Variants in MSL2 observed in about 807,000 individuals in gnomAD.
The protein encoded by MSL2 is E3 ubiquitin-protein ligase MSL2.
Under a neutral mutation model 35.8 loss-of-function variants are expected in MSL2, and 2 were observed. That is an observed-to-expected ratio of 0.06 (90% CI 0.02 to 0.18). MSL2 has a LOEUF of 0.18. Among genes scored for constraint, MSL2 ranks in the 10% least tolerant of loss-of-function variants. MSL2 has a pLI of 1.00. For synonymous variants in MSL2, 296 were observed against 255.7 expected (o/e 1.16, Z -1.50); for missense variants, 523 against 706.7 (o/e 0.74, Z 2.95).
chr3:136,166,469 AT>A (rs902944123), intron 1 of MSL2, among the ~76,000 whole-genome samples: 2 of 152,094 alleles, frequency 1.3e-5, no homozygotes, highest in Admixed American at 1.3e-4. Flanking sequence ...GTTAAGTAAT[AT>A]TTTTTTGAAT....
chr3:136,191,735 T>C (rs1940696377), intron 1 of MSL2, among the ~76,000 whole-genome samples: 1 of 152,196 alleles, frequency 6.6e-6, no homozygotes, highest in African/African-American at 2.4e-5. Context: ...ATCGCACCAC[T>C]GCACTCCAAC....
chr3:136,173,684 C>A (rs1421586088), intron 1 of MSL2, among the ~76,000 whole-genome samples: 2 of 152,182 alleles, frequency 1.3e-5, no homozygotes, highest in East Asian at 1.9e-4. Context: ...CTAATCAATT[C>A]ATCTTCCACA....
At chr3:136,162,899 G>C (rs1939748732) in intron 1 of MSL2, among the ~76,000 whole-genome samples, 1 of 150,900 alleles carries the variant, frequency 6.6e-6, no homozygotes, top group Admixed American at 6.6e-5. Context: ...CGGCAGTGTT[G>C]ATAATAATTA....
At position 136,195,462 on chromosome 3, in the gene MSL2, C is replaced by G; in HGVS notation, c.-349G>C. The G allele has an allele frequency of 9.7e-7, 1 of 1,034,562 alleles. No individual in the cohort carries two copies. Among genetic ancestry groups the G allele is most frequent in the South Asian group, 3.7e-5 (1 of 27,252 alleles). The allele number at this position is 1,034,562 out of a possible 1,614,324, so 64.1% of individuals were successfully genotyped here. ...GCCCCGCGGCTCGGCAGGCGGCCTG[C>G]ACTCGAGCTCCATCTCCGGACACGG... On this transcript the variant is annotated 5_prime_UTR_variant, in exon 1 of 2. Transcript: ENST00000309993.
chr3:136,151,869 A>G lies in MSL2; in HGVS notation c.1012T>C (p.Leu338=). ...TCTGATCTGGATCGTTTTCTATTCA[A>G]TTTTGCTATCTTCGGAGTTGCTGCT... is the stretch of plus-strand genomic sequence containing the variant. The part of the protein sequence containing the change: ...CTAATPKIAK[L]NRKRSRSESD... The change falls in exon 2 of 2, where the codon TTG becomes CTG. Residue 338 remains leucine (L), a synonymous_variant. Coordinates refer to ENST00000309993, the MANE Select transcript of MSL2 (RefSeq NM_018133.4). The surrounding 1 kb of genome is among the most constrained non-coding windows in gnomAD (Gnocchi z 5.2). 1.2e-6 allele frequency: 2 copies of G among 1,614,128 alleles called. No homozygotes were observed. Among genetic ancestry groups the G allele is most frequent in the Non-Finnish European group, 1.7e-6 (2 of 1,180,022 alleles).
At chr3:136,165,532 T>C (rs1939822593) in intron 1 of MSL2, among the ~76,000 whole-genome samples, 1 of 152,218 alleles carries the variant, frequency 6.6e-6, no homozygotes, top group Non-Finnish European at 1.5e-5. Flanking sequence ...ATATAACTGT[T>C]GATAATTAAT....
chr3:136,150,880 C>T lies in MSL2; in HGVS notation c.*267G>A. ...ATGAGGTTAATGTTATTTTTCTTGC[C>T]AAAGTTCATTTTGTATAAATCAGTT... On this transcript the variant is annotated 3_prime_UTR_variant, in exon 2 of 2. Transcript: ENST00000309993. The T allele has an allele frequency of 2.5e-6, 1 of 394,950 alleles. No individual in the cohort carries two copies. The highest frequency in any genetic ancestry group is 4.6e-6 in the Non-Finnish European group (1 of 217,432). The allele number at this position is 394,950 out of a possible 1,614,324, so 24.5% of individuals were successfully genotyped here.
chr3:136,149,334 A>G lies in MSL2; in HGVS notation c.*1813T>C, dbSNP rs1939270401. 2 of 152,598 alleles carry G rather than the reference A, an allele frequency of 1.3e-5. No homozygotes were observed. Among genetic ancestry groups the G allele is most frequent in the African/African-American group, 4.8e-5 (2 of 41,458 alleles). 9.5% of individuals were successfully genotyped at this position (152,598 alleles called of 1,614,324 possible). A position where few individuals can be genotyped will look rare whatever the true frequency, so the allele number is the denominator to read the frequency against. On this transcript the variant is annotated 3_prime_UTR_variant, in exon 2 of 2. Transcript: ENST00000309993. Reference sequence around the variant, plus strand: ...TAGCAGGGCATCTGGGTTCAACACAAAACTGTTACAAACGTTAGGTAAATA... The same window carrying G: ...TAGCAGGGCATCTGGGTTCAACACAGAACTGTTACAAACGTTAGGTAAATA...
chr3:136,159,891 C>A (rs1939651799), intron 1 of MSL2, among the ~76,000 whole-genome samples: 1 of 150,966 alleles, frequency 6.6e-6, no homozygotes, highest in Admixed American at 6.6e-5. Context: ...ATCAAATGCA[C>A]AATTCACAAA....
intron 1 of MSL2, among the ~76,000 whole-genome samples, chr3:136,193,843 T>C (rs147087104): frequency 1.3e-5 from 2 of 152,310 alleles, no homozygotes; most frequent in South Asian, 2.1e-4. Flanking sequence ...CTTAAATGTT[T>C]ATGACCTTAA....
intron 1 of MSL2, among the ~76,000 whole-genome samples, chr3:136,190,231 TTC>T (rs1940648558): frequency 6.6e-6 from 1 of 152,214 alleles, no homozygotes; most frequent in African/African-American, 2.4e-5. Context: ...ATGTGTCTTA[TTC>T]ATCTTTCTAT....
intron 1 of MSL2, 53 bp downstream of exon 1, chr3:136,194,919 C>G: frequency 6.2e-7 from 1 of 1,611,382 alleles, no homozygotes; most frequent in Non-Finnish European, 8.5e-7. Context: ...TACCACTGCC[C>G]AGAAGGCTTT....
At chr3:136,163,828 T>C (rs936732132) in intron 1 of MSL2, among the ~76,000 whole-genome samples, 1 of 152,164 alleles carries the variant, frequency 6.6e-6, no homozygotes, top group Admixed American at 6.5e-5. Context: ...TCTTCCTCCC[T>C]TCACTGGGCA....
intron 1 of MSL2, among the ~76,000 whole-genome samples, chr3:136,167,071 A>T (rs977037736): frequency 4.6e-5 from 7 of 152,198 alleles, no homozygotes; most frequent in Non-Finnish European, 8.8e-5. Flanking sequence ...CAAGAAAAAA[A>T]ATATATAAAA....
chr3:136,166,615 G>C (rs1414626549), intron 1 of MSL2, among the ~76,000 whole-genome samples: 1 of 152,190 alleles, frequency 6.6e-6, no homozygotes, highest in Non-Finnish European at 1.5e-5. Context: ...GCATATCCCT[G>C]ACAAGACTCA....
chr3:136,189,084 C>A (rs1487779977), intron 1 of MSL2, among the ~76,000 whole-genome samples: 4 of 93,860 alleles, frequency 4.3e-5, no homozygotes, highest in African/African-American at 1.7e-4. Context: ...CAAGCCTGGG[C>A]AACATGGTGA....
chr3:136,162,969 ATTTT>A lies in MSL2; in HGVS notation c.143-10235_143-10232del, dbSNP rs542937035. Among the ~76,000 whole-genome samples, 14 of 137,976 alleles carry A rather than the reference ATTTT, an allele frequency of 1.0e-4. No individual in the cohort carries two copies. In the South Asian group the frequency reaches 2.5e-3, roughly 25 times the overall value. 90.5% of individuals were successfully genotyped at this position (137,976 alleles called of 152,430 possible). On this transcript the variant is annotated intron_variant, in intron 1 of 1. Coordinates refer to ENST00000309993, the MANE Select transcript of MSL2 (RefSeq NM_018133.4). ...CAATGTTAATGCCTTGAGGACTTGG[ATTTT>A]TTTTTTTTTTTTCAGTAGGGAGGAG...
intron 1 of MSL2, among the ~76,000 whole-genome samples, chr3:136,153,722 T>A (rs1230217111): frequency 7.0e-6 from 1 of 143,300 alleles, no homozygotes; most frequent in Non-Finnish European, 1.5e-5. Context: ...CCCAGGAAAC[T>A]GAGGTAGCAG....
intron 1 of MSL2, among the ~76,000 whole-genome samples, chr3:136,178,123 G>A (rs1175227122): frequency 6.6e-6 from 1 of 152,178 alleles, no homozygotes; most frequent in Admixed American, 6.5e-5. Flanking sequence ...CTCAAGCCAT[G>A]CCTCATTTCA....
Sources: allele counts gnomAD v4.1 joint callset (sites outside exome capture counted in the v4.1 genomes callset), GRCh38; gene constraint gnomAD v4.1.1; non-coding constraint Gnocchi (gnomAD v3.1); transcripts MANE v1.5; gene names NCBI Gene and HGNC (gene_info 2026-07-23, HGNC 2026-07-21).